The following MTHFD1L variants were observed in gnomAD, a reference collection of about 807,000 sequenced individuals.
The protein encoded by MTHFD1L is methylenetetrahydrofolate dehydrogenase (NADP+ dependent) 1 like.
Under a neutral mutation model 119.5 loss-of-function variants are expected in MTHFD1L, and 81 were observed. That is an observed-to-expected ratio of 0.68 (90% CI 0.57 to 0.82). The LOEUF is 0.82. Ranked by LOEUF, MTHFD1L falls within the 40% of genes least tolerant of loss-of-function variation. MTHFD1L has a pLI of 0.00. For missense variants in MTHFD1L, 1,125 were observed against 1,253.4 expected, an observed-to-expected ratio of 0.90 and a Z score of 1.55; for synonymous variants, 430 against 475.2, an observed-to-expected ratio of 0.90 and a Z score of 1.24.
chr6:151,065,858 A>G (rs555245887), intron 26 of MTHFD1L, among the ~76,000 whole-genome samples: 19 of 152,338 alleles, frequency 1.2e-4, no homozygotes, highest in African/African-American at 4.6e-4. Context: ...CCAGACCCCA[A>G]GGGCTGTTGC....
intron 20 of MTHFD1L, among the ~76,000 whole-genome samples, chr6:150,973,395 T>G (rs1776062359): frequency 6.6e-6 from 1 of 152,164 alleles, no homozygotes; most frequent in Admixed American, 6.5e-5. Flanking sequence ...CGGTAGCAAA[T>G]CCACTGCAAG....
chr6:151,003,207 AAAC>A lies in MTHFD1L; in HGVS notation c.2126-6597_2126-6595del, dbSNP rs538009040. Among the ~76,000 whole-genome samples, 114 of 152,254 alleles carry A rather than the reference AAAC, an allele frequency of 7.5e-4. 3 individuals are homozygous for A. Among genetic ancestry groups the A allele is most frequent in the Admixed American group, 1.5e-3 (23 of 15,288 alleles). On this transcript the variant is annotated intron_variant, in intron 20 of 27. Coordinates refer to ENST00000367321, the MANE Select transcript of MTHFD1L (RefSeq NM_015440.5). ...GAAAGTACCAAACAGAATTCAAGAAAAACAACAACAACAACAAAAAACACATTA... is the reference window on the plus strand; with the variant it reads ...GAAAGTACCAAACAGAATTCAAGAAAAACAACAACAACAAAAAACACATTA...
At chr6:150,933,993 T>G (rs6919680) in intron 11 of MTHFD1L, among the ~76,000 whole-genome samples, 20,804 of 152,182 alleles carry the variant, frequency 0.14, 2,171 homozygotes, top group East Asian at 0.5. Context: ...TACAAGCAAA[T>G]GTGCTTAACT....
intron 6 of MTHFD1L, among the ~76,000 whole-genome samples, chr6:150,886,869 G>T (rs1176230986): frequency 1.3e-5 from 2 of 151,258 alleles, no homozygotes; most frequent in East Asian, 3.9e-4. Flanking sequence ...GGTGACTTGT[G>T]CCTGTAGTCC....
At chr6:151,091,060 TGCA>T (rs1335752450) in intron 26 of MTHFD1L, among the ~76,000 whole-genome samples, 1 of 145,938 alleles carries the variant, frequency 6.9e-6, no homozygotes, top group Non-Finnish European at 1.5e-5. Flanking sequence ...TGCGACTGGG[TGCA>T]GCATCGTTCC....
chr6:150,980,809 G>A (rs537758651), intron 20 of MTHFD1L, among the ~76,000 whole-genome samples: 1 of 151,894 alleles, frequency 6.6e-6, no homozygotes, highest in East Asian at 1.9e-4. Flanking sequence ...TCCTGATCCC[G>A]TTCTTTTTTC....
chr6:150,867,123 C>T (rs918239579), intron 1 of MTHFD1L, among the ~76,000 whole-genome samples: 3 of 152,084 alleles, frequency 2.0e-5, no homozygotes, highest in Admixed American at 2.0e-4. Flanking sequence ...CAGTAAAATA[C>T]GTTTCCTAGG....
intron 20 of MTHFD1L, among the ~76,000 whole-genome samples, chr6:150,993,396 C>T (rs1433780190): frequency 6.6e-6 from 1 of 152,008 alleles, no homozygotes; most frequent in Non-Finnish European, 1.5e-5. Flanking sequence ...TCTCGGCGCA[C>T]CACAGCCTCC....
chr6:151,055,952 T>C (rs1029178228), intron 26 of MTHFD1L: 2 of 152,242 alleles, frequency 1.3e-5, no homozygotes, highest in African/African-American at 4.8e-5. Context: ...AATGCATTAA[T>C]TCCACATAGC....
chr6:150,999,561 T>C (rs912023172), intron 20 of MTHFD1L, among the ~76,000 whole-genome samples: 2 of 152,240 alleles, frequency 1.3e-5, no homozygotes, highest in Admixed American at 6.5e-5. Context: ...ATAATGGATT[T>C]ATGAATTTAA....
chr6:150,908,384 A>C (rs1047184598), intron 8 of MTHFD1L, among the ~76,000 whole-genome samples: 1 of 151,288 alleles, frequency 6.6e-6, no homozygotes, highest in African/African-American at 2.4e-5. Flanking sequence ...ACACTTTGGG[A>C]GGCCGAGGCA....
intron 20 of MTHFD1L, among the ~76,000 whole-genome samples, chr6:151,000,395 C>T (rs1780453891): frequency 6.6e-6 from 1 of 150,752 alleles, no homozygotes; most frequent in Admixed American, 6.6e-5. Context: ...TCCTTTAGGT[C>T]TCCTGATATG....
At chr6:150,884,362 G>A (rs1223607767) in intron 5 of MTHFD1L, among the ~76,000 whole-genome samples, 2 of 151,782 alleles carry the variant, frequency 1.3e-5, no homozygotes, top group Non-Finnish European at 2.9e-5. Flanking sequence ...GGATGGTCTC[G>A]ATCTCCTGAC....
intron 7 of MTHFD1L, among the ~76,000 whole-genome samples, chr6:150,891,761 AT>A: frequency 6.6e-6 from 1 of 152,204 alleles, no homozygotes; most frequent in Admixed American, 6.5e-5. Flanking sequence ...ATTGTTTTCC[AT>A]TTCTATGTCT....
chr6:150,901,927 T>G (rs985834738), intron 7 of MTHFD1L, among the ~76,000 whole-genome samples: 1 of 152,168 alleles, frequency 6.6e-6, no homozygotes, highest in African/African-American at 2.4e-5. Context: ...TTTTCATAGG[T>G]CTCAAGTGAT....
intron 24 of MTHFD1L, among the ~76,000 whole-genome samples, chr6:151,026,921 C>T (rs941440925): frequency 4.7e-5 from 7 of 148,952 alleles, no homozygotes; most frequent in Middle Eastern, 3.4e-3. Context: ...CTCCACCTCC[C>T]GGGTTCAAGT....
intron 13 of MTHFD1L, among the ~76,000 whole-genome samples, chr6:150,944,135 A>C (rs1472465640): frequency 6.6e-6 from 1 of 152,230 alleles, no homozygotes; most frequent in Admixed American, 6.5e-5. Context: ...TCAGCTCATT[A>C]TAAGGATATG....
intron 26 of MTHFD1L, among the ~76,000 whole-genome samples, chr6:151,061,400 G>T (rs1347266206): frequency 2.0e-5 from 3 of 152,138 alleles, no homozygotes; most frequent in Admixed American, 2.0e-4. Flanking sequence ...TTGGGTAATG[G>T]TCACGTACCA....
At chr6:151,047,201 C>T (rs1156529047) in intron 26 of MTHFD1L, among the ~76,000 whole-genome samples, 1 of 152,134 alleles carries the variant, frequency 6.6e-6, no homozygotes, top group African/African-American at 2.4e-5. Context: ...GTTATGCAGC[C>T]ACACAGTACC....
Sources: gnomAD v4.1 joint callset for allele counts (sites outside exome capture counted in the v4.1 genomes callset) on GRCh38, gnomAD v4.1.1 for gene constraint, MANE v1.5 for transcripts, NCBI Gene and HGNC (gene_info 2026-07-23, HGNC 2026-07-21) for gene names.